The following ADAMTS3 variants were observed in gnomAD, a reference collection of about 807,000 sequenced individuals.
ADAMTS3 encodes the protein A disintegrin and metalloproteinase with thrombospondin motifs 3.
ADAMTS3 carries 73 observed loss-of-function variants against 129.0 expected under a neutral mutation model. The observed-to-expected ratio is 0.57, with a 90% CI of 0.47 to 0.69. ADAMTS3 has a LOEUF of 0.69. ADAMTS3 is among the 30% of genes least tolerant of loss of function. ADAMTS3 has a pLI of 0.00. For synonymous variants in ADAMTS3, 477 were observed against 510.8 expected, an observed-to-expected ratio of 0.93 and a Z score of 0.89; for missense variants, 1,457 against 1,514.5, an observed-to-expected ratio of 0.96 and a Z score of 0.63.
chr4:72,515,558 GT>G (rs1283470499), intron 3 of ADAMTS3, among the ~76,000 whole-genome samples: 1 of 148,310 alleles, frequency 6.7e-6, no homozygotes, highest in Non-Finnish European at 1.5e-5. Flanking sequence ...TCTCATTGTG[GT>G]TTTGATTTGC....
intron 15 of ADAMTS3, among the ~76,000 whole-genome samples, chr4:72,307,865 G>C (rs982556497): frequency 1.3e-5 from 2 of 152,050 alleles, no homozygotes; most frequent in South Asian, 4.1e-4. Flanking sequence ...ATGGAAGTTA[G>C]ATTATCTTTG....
At chr4:72,390,409 T>C (rs1355305414) in intron 4 of ADAMTS3, among the ~76,000 whole-genome samples, 1 of 152,172 alleles carries the variant, frequency 6.6e-6, no homozygotes. Context: ...GACACTTGTC[T>C]TTCCCCATTT....
At chr4:72,307,066 A>G (rs1719107552) in intron 15 of ADAMTS3, among the ~76,000 whole-genome samples, 1 of 152,008 alleles carries the variant, frequency 6.6e-6, no homozygotes, top group African/African-American at 2.4e-5. Flanking sequence ...CATCCAATAC[A>G]TATTCTATGG....
intron 3 of ADAMTS3, among the ~76,000 whole-genome samples, chr4:72,522,118 G>A (rs1720690692): frequency 1.3e-5 from 2 of 152,102 alleles, no homozygotes; most frequent in South Asian, 4.1e-4. Flanking sequence ...GAAAGAAGAT[G>A]AAGCCCAAGG....
Position 72,504,370 on chromosome 4 carries a change from T to C in ADAMTS3, c.504+44108A>G, listed in dbSNP as rs116466869. On this transcript the variant is annotated intron_variant, in intron 3 of 21. Coordinates refer to ENST00000286657, the MANE Select transcript of ADAMTS3 (RefSeq NM_014243.3). ...TATGAAATTCTTGATTGGACTTCCT[T>C]GTCTTTAAGAAGGCCGAAAATAGGC... 5.3e-3 allele frequency among the ~76,000 whole-genome samples: 812 copies of C among 152,330 alleles called. 11 individuals carry two copies. Among genetic ancestry groups the C allele is most frequent in the African/African-American group, 0.019 (790 of 41,580 alleles).
chr4:72,405,197 T>C (rs1221576110), intron 4 of ADAMTS3, among the ~76,000 whole-genome samples: 1 of 152,080 alleles, frequency 6.6e-6, no homozygotes, highest in Non-Finnish European at 1.5e-5. Flanking sequence ...AGGGCATATA[T>C]CCAAAAGAAC....
rs573394218 is a variant in ADAMTS3 at position 72,329,034 on chromosome 4, C to T, written c.862-5937G>A. Among the ~76,000 whole-genome samples, 161 of 152,260 alleles carry T rather than the reference C, an allele frequency of 1.1e-3. 2 individuals carry two copies. Among genetic ancestry groups the T allele is most frequent in the African/African-American group, 3.7e-3 (154 of 41,544 alleles). The stretch of plus-strand genomic sequence containing the variant: ...TCCATTCTCATATTAATAATAACTA[C>T]TGTTTAGTGATATACTCTTATCAAC... On this transcript the variant is annotated intron_variant, in intron 5 of 21. Transcript: ENST00000286657.
chr4:72,368,117 T>C (rs1363832453), intron 4 of ADAMTS3, among the ~76,000 whole-genome samples: 1 of 152,216 alleles, frequency 6.6e-6, no homozygotes, highest in African/African-American at 2.4e-5. Context: ...TATGTAGTCA[T>C]ATTTACACAT....
chr4:72,346,050 C>T (rs1720275017), intron 4 of ADAMTS3, among the ~76,000 whole-genome samples: 1 of 152,110 alleles, frequency 6.6e-6, no homozygotes, highest in African/African-American at 2.4e-5. Context: ...TTCTTTTCAT[C>T]TTTCCATATC....
intron 4 of ADAMTS3, among the ~76,000 whole-genome samples, chr4:72,348,510 A>T (rs1226644286): frequency 6.6e-6 from 1 of 152,180 alleles, no homozygotes; most frequent in East Asian, 1.9e-4. Flanking sequence ...GACTTTCTAA[A>T]ATGGCCCCAC....
intron 4 of ADAMTS3, among the ~76,000 whole-genome samples, chr4:72,350,134 T>C (rs887998602): frequency 6.6e-6 from 1 of 152,020 alleles, no homozygotes; most frequent in Non-Finnish European, 1.5e-5. Flanking sequence ...TGTTGAGCCA[T>C]TCCTAAAGTG....
At position 72,283,036 on chromosome 4, in the gene ADAMTS3, C is replaced by T. The variant is rs934851094; in HGVS notation, c.*100G>A. The T allele has an allele frequency of 1.7e-5, 17 of 1,019,898 alleles. No homozygotes were observed. Among genetic ancestry groups the T allele is most frequent in the South Asian group, 6.7e-5 (4 of 59,296 alleles). 63.2% of individuals were successfully genotyped at this position (1,019,898 alleles called of 1,614,324 possible). A position where few individuals can be genotyped will look rare whatever the true frequency, so the allele number is the denominator to read the frequency against. ...TCCAATTACAGATAAAATGAGCTGA[C>T]GATCTATAGAGATTTCCACTTTAAA... On this transcript the variant is annotated 3_prime_UTR_variant, in exon 22 of 22. Transcript: ENST00000286657.
At chr4:72,531,393 G>A (rs902772675) in intron 3 of ADAMTS3, among the ~76,000 whole-genome samples, 3 of 152,192 alleles carry the variant, frequency 2.0e-5, no homozygotes, top group African/African-American at 4.8e-5. Context: ...TGAATTGGCC[G>A]CAGAATATAC....
At chr4:72,442,336 G>T (rs973796599) in intron 3 of ADAMTS3, 2 of 151,824 alleles carry the variant, frequency 1.3e-5, no homozygotes, top group African/African-American at 4.8e-5. Flanking sequence ...TTGTCCTGCA[G>T]TTCTGCAGGC....
intron 3 of ADAMTS3, among the ~76,000 whole-genome samples, chr4:72,504,228 G>C (rs984034402): frequency 6.6e-6 from 1 of 152,090 alleles, no homozygotes; most frequent in Non-Finnish European, 1.5e-5. Flanking sequence ...AGCAGGTATT[G>C]TTTTATCATT....
At chr4:72,451,890 A>G (rs1174070236) in intron 3 of ADAMTS3, among the ~76,000 whole-genome samples, 1 of 151,742 alleles carries the variant, frequency 6.6e-6, no homozygotes, top group African/African-American at 2.4e-5. Flanking sequence ...TGAGCCCACG[A>G]GTTTAAGAGC....
At chr4:72,414,507 T>A (rs919800437) in intron 4 of ADAMTS3, among the ~76,000 whole-genome samples, 6 of 152,018 alleles carry the variant, frequency 3.9e-5, no homozygotes, top group African/African-American at 1.4e-4. Flanking sequence ...AAGATACTTC[T>A]GTAAAATACA....
intron 3 of ADAMTS3, among the ~76,000 whole-genome samples, chr4:72,427,769 TGAG>T (rs1038415560): frequency 6.6e-6 from 1 of 152,176 alleles, no homozygotes; most frequent in East Asian, 1.9e-4. Context: ...CATGAACTTC[TGAG>T]GAGTTCTTCT....
At chr4:72,347,355 T>G (rs1162894200) in intron 4 of ADAMTS3, among the ~76,000 whole-genome samples, 2 of 151,718 alleles carry the variant, frequency 1.3e-5, no homozygotes, top group African/African-American at 4.8e-5. Context: ...AAGAGCAGCC[T>G]GATAAATAAG....
Sources: gnomAD v4.1 joint callset for allele counts (sites outside exome capture counted in the v4.1 genomes callset) on GRCh38, gnomAD v4.1.1 for gene constraint, MANE v1.5 for transcripts, NCBI Gene and HGNC (gene_info 2026-07-23, HGNC 2026-07-21) for gene names.